Variants in CDK16 observed in about 807,000 individuals in gnomAD.
CDK16 encodes the protein cyclin dependent kinase 16, also known as cyclin-dependent kinase 16.
CDK16 carries 2 observed loss-of-function variants against 41.6 expected under a neutral mutation model. The observed-to-expected ratio is 0.05, with a 90% CI of 0.02 to 0.15. The LOEUF (loss-of-function observed/expected upper bound fraction) is 0.15, where lower values mean the gene tolerates loss of function less well. Among genes scored for constraint, CDK16 ranks in the 10% least tolerant of loss-of-function variants. The pLI is 1.00. For synonymous variants in CDK16, 169 were observed against 169.7 expected, an observed-to-expected ratio of 1.00 and a Z score of 0.03; for missense variants, 228 against 428.9, an observed-to-expected ratio of 0.53 and a Z score of 4.14.
Position 47,224,413 on chromosome X carries a change from G to T in CDK16, c.231G>T (p.Gly77=), listed in dbSNP as rs201784115. ...PEIVHEDLKM[G]SDGESDQASA... is the part of the protein sequence containing the mutation. ...TTGTGCACGAGGACTTGAAGATGGG[G>T]TCTGATGGGGAGAGTGACCAGGCTT... Residue 77 remains glycine, a synonymous_variant, in exon 3 of 16, where the codon GGG becomes GGT. Transcript: ENST00000357227. 56 of 1,202,018 alleles carry T rather than the reference G, an allele frequency of 4.7e-5. No homozygotes were observed. Among genetic ancestry groups the T allele is most frequent in the Non-Finnish European group, 6.1e-5 (54 of 890,107 alleles).
chrX:47,223,835 C>A, intron 2 of CDK16, 76 bp downstream of exon 2: 1 of 934,153 alleles, frequency 1.1e-6, no homozygotes, highest in Non-Finnish European at 1.5e-6. Context: ...TCACATTCCT[C>A]ATTTTCCTCT....
At chrX:47,222,953 C>CGCCG in intron 1 of CDK16, 1 of 571,076 alleles carries the variant, frequency 1.8e-6, no homozygotes, top group Non-Finnish European at 2.4e-6. Context: ...GACACACGCT[C>CGCCG]CCCTCCCCCC....
chrX:47,224,501 C>T lies in CDK16; in HGVS notation c.319C>T (p.Arg107Cys), dbSNP rs1390334897. The T allele has an allele frequency of 2.5e-6, 3 of 1,200,473 alleles. No homozygotes were observed. The highest frequency in any genetic ancestry group is 2.2e-6 in the Non-Finnish European group (2 of 889,645). ...VRVRMRNHPPRKISTEDINKR... is the reference protein window; with the variant it reads ...VRVRMRNHPPCKISTEDINKR... ...AGTGCGTATGCGCAACCATCCCCCACGCAAGATCTCCACTGAGGTGCTTGA... is the reference window on the plus strand; with the variant it reads ...AGTGCGTATGCGCAACCATCCCCCATGCAAGATCTCCACTGAGGTGCTTGA... Residue 107 changes from arginine (R) to cysteine (C), a missense_variant, in exon 3 of 16, where the codon CGC becomes TGC. Physicochemically the swap from Arg to Cys is radical, Grantham distance 180. This residue lies in a region of CDK16 where 71 missense variants were observed against 102.2 expected (regional missense o/e 0.69). Coordinates refer to ENST00000357227, the MANE Select transcript of CDK16 (RefSeq NM_006201.5).
chrX:47,225,996 G>A lies in CDK16; in HGVS notation c.761G>A (p.Cys254Tyr), dbSNP rs1369151198. ...GACCTGAAGCAGTACCTGGATGACT[G>A]TGGGAACATCATCAACATGCACAAC... ...DKDLKQYLDD[C>Y]GNIINMHNVK... Residue 254 changes from cysteine to tyrosine, a missense_variant, in exon 8 of 16, where the codon TGT becomes TAT. Around this residue, in one of 3 missense-constraint regions of CDK16, gnomAD observed 66 missense variants for 197.2 expected, o/e 0.33. Coordinates refer to ENST00000357227, the MANE Select transcript of CDK16 (RefSeq NM_006201.5). The A allele has an allele frequency of 8.3e-7, 1 of 1,203,360 alleles. No individual in the cohort carries two copies. The highest frequency in any genetic ancestry group is 1.7e-5 in the African/African-American group (1 of 57,676).
intron 1 of CDK16, chrX:47,222,952 T>TCCCCC: frequency 4.6e-6 from 3 of 655,453 alleles, no homozygotes; most frequent in Non-Finnish European, 5.8e-6. Flanking sequence ...TGACACACGC[T>TCCCCC]CCCCTCCCCC....
intron 13 of CDK16, 59 bp downstream of exon 13, chrX:47,227,282 A>ACCC: frequency 9.6e-7 from 1 of 1,043,761 alleles, no homozygotes; most frequent in Non-Finnish European, 1.3e-6. Flanking sequence ...GGAAACAGGG[A>ACCC]CCCCCCCCCT....
chrX:47,218,677 C>A, upstream of CDK16: 3 of 1,167,849 alleles, frequency 2.6e-6, no homozygotes, highest in Non-Finnish European at 3.4e-6. Flanking sequence ...GAGTCCCCTC[C>A]TTTCCACTTC....
chrX:47,226,425 T>A (rs997188261), intron 9 of CDK16, 23 bp downstream of exon 9: 6 of 1,203,433 alleles, frequency 5.0e-6, no homozygotes, highest in Non-Finnish European at 6.7e-6. Context: ...TCCCCTTTCT[T>A]ATTGGCTCCC....
Position 47,225,779 on chromosome X carries a change from G to A in CDK16, c.642G>A (p.Leu214=), listed in dbSNP as rs17849406. The A allele has an allele frequency of 8.3e-7, 1 of 1,207,151 alleles. No individual in the cohort carries two copies. Among genetic ancestry groups the A allele is most frequent in the Non-Finnish European group, 1.1e-6 (1 of 891,258 alleles). ...CTCCCATGCTTCCTGCAGTGTCCCTGCTCAAGGACCTCAAACACGCCAACA... is the reference window on the plus strand; with the variant it reads ...CTCCCATGCTTCCTGCAGTGTCCCTACTCAAGGACCTCAAACACGCCAACA... ...APCTAIREVS[L]LKDLKHANIV... is the part of the protein sequence containing the mutation. The change falls in exon 7 of 16, where the codon CTG becomes CTA. Residue 214 remains leucine (L), a synonymous_variant. Coordinates refer to ENST00000357227, the MANE Select transcript of CDK16 (RefSeq NM_006201.5).
At chrX:47,220,726 C>G (rs1937306214) in intron 1 of CDK16, among the ~76,000 whole-genome samples, 1 of 110,208 alleles carries the variant, frequency 9.1e-6, no homozygotes, top group Non-Finnish European at 1.9e-5. Flanking sequence ...TAAGGATGGT[C>G]GTAGCTGTGA....
At chrX:47,224,096 C>G (rs1006579735) in intron 2 of CDK16, among the ~76,000 whole-genome samples, 1 of 111,290 alleles carries the variant, frequency 9.0e-6, no homozygotes, top group South Asian at 3.8e-4. Context: ...TTCCCAGGAC[C>G]CTTGGCTTCC....
chrX:47,227,458 A>G lies in CDK16; in HGVS notation c.1364A>G (p.Lys455Arg). The change falls in exon 14 of 16, where the codon AAA becomes AGA. Residue 455 changes from lysine to arginine, a missense_variant. Physicochemically the swap from Lys to Arg is conservative, Grantham distance 26. This residue lies in a region of CDK16 where 91 missense variants were observed against 129.5 expected (regional missense o/e 0.70). Coordinates refer to ENST00000357227, the MANE Select transcript of CDK16 (RefSeq NM_006201.5). ...FFLSLGERIH[K>R]LPDTTSIFAL... ...CTCAGTCTGGGGGAGCGGATCCACA[A>G]ACTTCCTGACAGTGAGTGGAGCTGG... The G allele has an allele frequency of 8.3e-7, 1 of 1,199,684 alleles. No individual in the cohort carries two copies.
chrX:47,222,666 T>TGG (rs1166179078), intron 1 of CDK16, among the ~76,000 whole-genome samples: 3 of 11,258 alleles, frequency 2.7e-4, no homozygotes, highest in African/African-American at 9.0e-4. Flanking sequence ...GGTGTGGGGG[T>TGG]GGGGGGGGGC....
In CDK16 at chrX:47,224,680, G is replaced by A. The variant is rs758007857; in HGVS notation, c.399G>A (p.Lys133=). 1.2e-5 allele frequency: 14 copies of A among 1,211,666 alleles called. No homozygotes were observed. The highest frequency in any genetic ancestry group is 1.3e-5 in the Non-Finnish European group (12 of 895,457). Residue 133 remains lysine (K), a synonymous_variant, in exon 4 of 16, where the codon AAG becomes AAA. Coordinates refer to ENST00000357227, the MANE Select transcript of CDK16 (RefSeq NM_006201.5). Reference sequence around the variant, plus strand: ...GGCTGCCTGAGGGCTACCTGGAGAAGCTGACCCTCAATAGCCCCATCTTTG... The same window carrying A: ...GGCTGCCTGAGGGCTACCTGGAGAAACTGACCCTCAATAGCCCCATCTTTG... ...DIRLPEGYLE[K]LTLNSPIFDK...
intron 1 of CDK16, chrX:47,223,118 G>C (rs1346328152): frequency 1.7e-6 from 2 of 1,154,858 alleles, no homozygotes; most frequent in Non-Finnish European, 2.3e-6. Context: ...GGCCGTGCTC[G>C]AGACCATGTC....
In CDK16 at chrX:47,224,507, A is replaced by T; in HGVS notation, c.325A>T (p.Ile109Phe). Reference sequence around the variant, plus strand: ...TATGCGCAACCATCCCCCACGCAAGATCTCCACTGAGGTGCTTGACCCCGT... The same window carrying T: ...TATGCGCAACCATCCCCCACGCAAGTTCTCCACTGAGGTGCTTGACCCCGT... ...VRMRNHPPRK[I>F]STEDINKRLS... The change falls in exon 3 of 16, where the codon ATC (isoleucine) becomes TTC (phenylalanine). Residue 109 changes from isoleucine (I) to phenylalanine (F), a missense_variant. Transcript: ENST00000357227. The T allele has an allele frequency of 8.3e-7, 1 of 1,202,866 alleles. No homozygotes were observed. Among genetic ancestry groups the T allele is most frequent in the Non-Finnish European group, 1.1e-6 (1 of 890,269 alleles).
chrX:47,228,608 G>A lies in CDK16; in HGVS notation c.1417G>A (p.Glu473Lys). The A allele has an allele frequency of 1.7e-6, 2 of 1,211,214 alleles. No individual in the cohort carries two copies. The highest frequency in any genetic ancestry group is 2.2e-6 in the Non-Finnish European group (2 of 895,043). The change falls in exon 15 of 16, where the codon GAG becomes AAG. Residue 473 changes from glutamate (E) to lysine (K), a missense_variant. Transcript: ENST00000357227. ...ACTAAAGGAGATTCAGCTACAAAAGGAGGCCAGCCTTCGGTCTTCGTCGAT... is the reference window on the plus strand; with the variant it reads ...ACTAAAGGAGATTCAGCTACAAAAGAAGGCCAGCCTTCGGTCTTCGTCGAT... ...FALKEIQLQK[E>K]ASLRSSSMPD...
Position 47,218,798 on chromosome X carries a change from T to C in CDK16, c.-314T>C, listed in dbSNP as rs1243453820. 5 of 1,148,107 alleles carry C rather than the reference T, an allele frequency of 4.4e-6. No homozygotes were observed. The African/African-American group carries it at 7.3e-5, about 17-fold the overall frequency. The allele number at this position is 1,148,107 out of a possible 1,213,427, so 94.6% of individuals were successfully genotyped here. A position where few individuals can be genotyped will look rare whatever the true frequency, so the allele number is the denominator to read the frequency against. ...GCCACTCCGCGATCAGACCGCTCTG[T>C]GCCGCGAGCCGCCGTGAGCACTCGG... is the stretch of plus-strand genomic sequence containing the variant. On this transcript the variant is annotated 5_prime_UTR_variant, in exon 1 of 16. Transcript: ENST00000357227.
rs1436562898 is a variant in CDK16 at position 47,226,389 on chromosome X, G to A, written c.903G>A (p.Lys301=). The A allele has an allele frequency of 6.6e-6, 8 of 1,209,826 alleles. No individual in the cohort carries two copies. Among genetic ancestry groups the A allele is most frequent in the Admixed American group, 6.5e-5 (3 of 45,811 alleles). ...TCATCAACGAGAGGGGAGAGCTCAA[G>A]CTGGCTGACTTTGGTACCACTGGCC... is the stretch of plus-strand genomic sequence containing the variant. ...NLLINERGEL[K]LADFGLARAK... Residue 301 remains lysine, a synonymous_variant, in exon 9 of 16, where the codon AAG becomes AAA. Transcript: ENST00000357227.
Sources: allele counts gnomAD v4.1 joint callset (sites outside exome capture counted in the v4.1 genomes callset), GRCh38; gene constraint gnomAD v4.1.1; regional missense constraint gnomAD v4.1.1; transcripts MANE v1.5; gene names NCBI Gene and HGNC (gene_info 2026-07-23, HGNC 2026-07-21).